The following BRCA1 variants were observed in gnomAD, a reference collection of about 807,000 sequenced individuals.
The protein encoded by BRCA1 is BRCA1 DNA repair associated, also known as breast cancer type 1 susceptibility protein.
A neutral mutation model predicts 173.7 loss-of-function variants in BRCA1; 140 were observed. That is an observed-to-expected ratio of 0.81 (90% CI 0.70 to 0.93). The LOEUF is 0.93. Among genes scored for constraint, BRCA1 ranks in the 40% least tolerant of loss-of-function variants. The pLI is 0.00. For synonymous variants in BRCA1, 662 were observed against 756.0 expected, an observed-to-expected ratio of 0.88 and a Z score of 2.04; for missense variants, 1,983 against 2,172.5, an observed-to-expected ratio of 0.91 and a Z score of 1.73.
chr17:43,153,824 C>G (rs779186282), intron 1 of BRCA1, among the ~76,000 whole-genome samples: 1 of 152,130 alleles, frequency 6.6e-6, no homozygotes, highest in African/African-American at 2.4e-5. Flanking sequence ...CTTCAGAAGA[C>G]GCATGTTTGG....
At chr17:43,112,513 G>C (rs976538357) in intron 3 of BRCA1, 1 of 152,186 alleles carries the variant, frequency 6.6e-6, no homozygotes, top group African/African-American at 2.4e-5. Context: ...TTGAGGGGCT[G>C]AGATGAGAGA....
chr17:43,077,397 C>A (rs1442930227), intron 12 of BRCA1, among the ~76,000 whole-genome samples: 1 of 151,408 alleles, frequency 6.6e-6, no homozygotes, highest in Non-Finnish European at 1.5e-5. Context: ...ATGGTGCAAT[C>A]TTGGCTCACT....
chr17:43,116,738 T>C (rs2055314253), intron 2 of BRCA1, among the ~76,000 whole-genome samples: 3 of 152,164 alleles, frequency 2.0e-5, no homozygotes, highest in Admixed American at 2.0e-4. Flanking sequence ...CGGCTGGTCT[T>C]GAACTCCTGA....
intron 1 of BRCA1, among the ~76,000 whole-genome samples, chr17:43,139,206 CT>C (rs1484383925): frequency 2.1e-5 from 3 of 141,300 alleles, no homozygotes; most frequent in South Asian, 4.5e-4. Context: ...TATCATTTTT[CT>C]TTTCTCCCAG....
chr17:43,166,128 C>CTT (rs2056265671), intron 1 of BRCA1: 2 of 73,538 alleles, frequency 2.7e-5, no homozygotes, highest in South Asian at 8.9e-4. Flanking sequence ...GCCTCTTCCT[C>CTT]TCTCTCTGTG....
Position 43,093,046 on chromosome 17 carries a change from A to G in BRCA1, c.2485T>C (p.Phe829Leu), listed in dbSNP as rs2154374989. The part of the protein sequence containing the change: ...SKDNRNDTEG[F>L]KYPLGHEVNH... ...ACTTCATGTCCCAATGGATACTTAA[A>G]GCCTTCTGTGTCATTTCTATTATCT... The change falls in exon 10 of 23, where the codon TTT (phenylalanine) becomes CTT (leucine). Residue 829 changes from phenylalanine to leucine, a missense_variant. By Grantham distance (22) the Phe-to-Leu change is conservative. Coordinates refer to ENST00000357654, the MANE Select transcript of BRCA1 (RefSeq NM_007294.4). The G allele has an allele frequency of 6.2e-7, 1 of 1,613,930 alleles. No individual in the cohort carries two copies. Among genetic ancestry groups the G allele is most frequent in the Middle Eastern group, 1.6e-4 (1 of 6,062 alleles).
intron 6 of BRCA1, 37 bp downstream of exon 6, chr17:43,104,081 GAAAA>G: frequency 1.4e-6 from 1 of 693,168 alleles, no homozygotes; most frequent in Non-Finnish European, 1.9e-6. Flanking sequence ...AAAAAAAAAA[GAAAA>G]GAAGAAGAAG....
At chr17:43,082,883 C>T (rs1478855149) in intron 11 of BRCA1, 2 of 385,732 alleles carry the variant, frequency 5.2e-6, no homozygotes, top group Admixed American at 8.2e-5. Context: ...ATAATTAAGG[C>T]ATTTAAACAC....
chr17:43,152,126 A>G lies in BRCA1; in HGVS notation c.-20+18000T>C, dbSNP rs140604391. Among the ~76,000 whole-genome samples the G allele has an allele frequency of 3.2e-3, 485 of 152,352 alleles. 1 individual carries two copies. Among genetic ancestry groups the G allele is most frequent in the Admixed American group, 8.8e-3 (135 of 15,298 alleles). On this transcript the variant is annotated intron_variant, in intron 1 of 7. Coordinates refer to the BRCA1 transcript ENST00000634433. ...CAAGATTTGAAATCAGCACCACCAC[A>G]TACTTTCAAAATATGTTGATGGTGA...
At chr17:43,116,941 T>C (rs1463681502) in intron 2 of BRCA1, among the ~76,000 whole-genome samples, 1 of 152,214 alleles carries the variant, frequency 6.6e-6, no homozygotes, top group Non-Finnish European at 1.5e-5. Flanking sequence ...TATAACCCTA[T>C]GGTGAGGTTT....
chr17:43,120,829 G>A (rs2055518471), intron 2 of BRCA1, among the ~76,000 whole-genome samples: 2 of 151,988 alleles, frequency 1.3e-5, no homozygotes, highest in African/African-American at 4.8e-5. Flanking sequence ...CACTTTGGAA[G>A]GCCGAGGCGG....
At chr17:43,103,897 A>T (rs1024396927) in intron 6 of BRCA1, among the ~76,000 whole-genome samples, 2 of 151,962 alleles carry the variant, frequency 1.3e-5, no homozygotes, top group Non-Finnish European at 2.9e-5. Flanking sequence ...ACCTGAGGTT[A>T]GGAGTTCGAG....
At chr17:43,162,299 G>C (rs1457794259) in intron 1 of BRCA1, 1 of 152,062 alleles carries the variant, frequency 6.6e-6, no homozygotes, top group Non-Finnish European at 1.5e-5. Flanking sequence ...TTCTAATTAA[G>C]AGAACCACAC....
intron 1 of BRCA1, among the ~76,000 whole-genome samples, chr17:43,134,837 G>T (rs1429860510): frequency 6.6e-6 from 1 of 152,184 alleles, no homozygotes; most frequent in Non-Finnish European, 1.5e-5. Flanking sequence ...CAGACACTGG[G>T]ACTCTGACCT....
upstream of BRCA1, among the ~76,000 whole-genome samples, chr17:43,130,059 T>C (rs1400331946): frequency 6.6e-6 from 1 of 152,212 alleles, no homozygotes; most frequent in Non-Finnish European, 1.5e-5. Context: ...CTTCACAGAC[T>C]TCAGGGTCCT....
At chr17:43,165,437 T>G (rs2056260174) in intron 1 of BRCA1, among the ~76,000 whole-genome samples, 1 of 152,096 alleles carries the variant, frequency 6.6e-6, no homozygotes, top group Non-Finnish European at 1.5e-5. Context: ...TTACAATTCT[T>G]TTACCAAAGA....
chr17:43,044,730 G>A lies in BRCA1; in HGVS notation c.*948C>T. The stretch of plus-strand genomic sequence containing the variant: ...AACCGGTTCTTGAAAATCTTCTGCT[G>A]TTTTAGAACACATTCTTTAGAAATC... On this transcript the variant is annotated 3_prime_UTR_variant, in exon 23 of 23. Coordinates refer to ENST00000357654, the MANE Select transcript of BRCA1 (RefSeq NM_007294.4). The A allele has an allele frequency of 2.0e-6, 1 of 497,652 alleles. No homozygotes were observed. Among genetic ancestry groups the A allele is most frequent in the South Asian group, 1.5e-5 (1 of 64,538 alleles). The allele number at this position is 497,652 out of a possible 1,614,324, so 30.8% of individuals were successfully genotyped here.
chr17:43,103,519 T>C (rs2054583590), intron 6 of BRCA1, among the ~76,000 whole-genome samples: 1 of 151,858 alleles, frequency 6.6e-6, no homozygotes, highest in South Asian at 2.1e-4. Flanking sequence ...GATGGGGATC[T>C]TGCTATGTTG....
intron 2 of BRCA1, chr17:43,119,401 A>G: frequency 4.4e-6 from 1 of 228,052 alleles, no homozygotes; most frequent in Non-Finnish European, 8.7e-6. Flanking sequence ...AAAGAAAAAC[A>G]ATGAACTAAG....
Sources: gnomAD v4.1 joint callset for allele counts (sites outside exome capture counted in the v4.1 genomes callset) on GRCh38, gnomAD v4.1.1 for gene constraint, MANE v1.5 for transcripts, NCBI Gene and HGNC (gene_info 2026-07-23, HGNC 2026-07-21) for gene names.